The following FER variants were observed in gnomAD, a reference collection of about 807,000 sequenced individuals.
The protein encoded by FER is tyrosine-protein kinase Fer.
In FER, 63 loss-of-function variants were observed where a neutral mutation model predicts 111.0. That is an observed-to-expected ratio of 0.57 (90% confidence interval 0.46 to 0.70). The LOEUF is 0.70. Ranked by LOEUF, FER falls within the 30% of genes least tolerant of loss-of-function variation. The pLI is 0.00. For synonymous variants in FER, 327 were observed against 313.9 expected (o/e 1.04, Z -0.44); for missense variants, 914 against 954.0 (o/e 0.96, Z 0.55).
chr5:109,003,962 G>A (rs72790521), intron 13 of FER, among the ~76,000 whole-genome samples: 17,550 of 152,140 alleles, frequency 0.12, 1,090 homozygotes, highest in Middle Eastern at 0.16. Context: ...CCTGGGCGAC[G>A]GTGTAAGACC....
At chr5:108,937,081 T>C (rs1010461665) in intron 10 of FER, among the ~76,000 whole-genome samples, 5 of 152,026 alleles carry the variant, frequency 3.3e-5, no homozygotes, top group Non-Finnish European at 7.4e-5. Flanking sequence ...TTCAAGTAAA[T>C]ATATTCCCTT....
chr5:109,004,360 A>G (rs1358759216), intron 13 of FER, among the ~76,000 whole-genome samples: 1 of 152,200 alleles, frequency 6.6e-6, no homozygotes, highest in Non-Finnish European at 1.5e-5. Flanking sequence ...AAATATTCAT[A>G]TCCTTTTTCA....
At chr5:108,869,236 A>T (rs190149671) in intron 6 of FER, among the ~76,000 whole-genome samples, 170 of 152,240 alleles carry the variant, frequency 1.1e-3, no homozygotes, top group African/African-American at 3.8e-3. Context: ...TATCCTGTAG[A>T]GTTAGGAAGT....
intron 13 of FER, among the ~76,000 whole-genome samples, chr5:108,979,733 G>A (rs990563974): frequency 6.7e-6 from 1 of 148,614 alleles, no homozygotes; most frequent in Non-Finnish European, 1.5e-5. Context: ...AGGGCCATGA[G>A]GCATTGTCTC....
intron 17 of FER, among the ~76,000 whole-genome samples, chr5:109,114,276 T>TATTTCCC (rs1448063509): frequency 2.6e-4 from 39 of 152,292 alleles, no homozygotes; most frequent in African/African-American, 8.7e-4. Flanking sequence ...TATTTCCCAG[T>TATTTCCC]AGCTATCAAT....
At chr5:109,129,514 A>T (rs1444587185) in intron 17 of FER, among the ~76,000 whole-genome samples, 1 of 152,044 alleles carries the variant, frequency 6.6e-6, no homozygotes, top group Non-Finnish European at 1.5e-5. Context: ...ACTTCCATAT[A>T]ACAATCAACC....
chr5:108,800,179 A>G (rs1037724902), intron 3 of FER, among the ~76,000 whole-genome samples: 7 of 152,032 alleles, frequency 4.6e-5, no homozygotes, highest in South Asian at 2.1e-4. Context: ...ACTTTTCCTC[A>G]TATGCTAATT....
intron 2 of FER, among the ~76,000 whole-genome samples, chr5:108,783,021 A>G (rs1205401408): frequency 6.6e-6 from 1 of 152,240 alleles, no homozygotes; most frequent in Non-Finnish European, 1.5e-5. Flanking sequence ...GTAGCTCTAC[A>G]GCAGGCTGGA....
intron 15 of FER, among the ~76,000 whole-genome samples, chr5:109,045,941 T>G (rs1192692814): frequency 6.6e-6 from 1 of 152,240 alleles, no homozygotes; most frequent in African/African-American, 2.4e-5. Flanking sequence ...AGTTCTTTTA[T>G]AAACAACGGG....
At chr5:109,044,924 C>A in intron 15 of FER, 129 bp downstream of exon 15, 2 of 500,344 alleles carry the variant, frequency 4.0e-6, no homozygotes, top group Non-Finnish European at 7.0e-6. Context: ...GTATGGAATC[C>A]AAAAATTTGT....
chr5:109,066,453 T>G (rs1349765417), intron 16 of FER, among the ~76,000 whole-genome samples: 2 of 152,220 alleles, frequency 1.3e-5, no homozygotes, highest in African/African-American at 4.8e-5. Context: ...TCATTGAAAT[T>G]ATTTGCTTTT....
At chr5:108,985,912 C>A (rs1267430742) in intron 13 of FER, among the ~76,000 whole-genome samples, 4 of 152,116 alleles carry the variant, frequency 2.6e-5, no homozygotes, top group Non-Finnish European at 2.9e-5. Context: ...ATGCAAATAC[C>A]TTTTTCGTAC....
chr5:109,113,325 A>G (rs1749849464), intron 17 of FER, among the ~76,000 whole-genome samples: 1 of 152,174 alleles, frequency 6.6e-6, no homozygotes, highest in Non-Finnish European at 1.5e-5. Context: ...GCAGCGGGAA[A>G]AGATACAGAA....
At chr5:108,867,258 G>A (rs531791704) in intron 5 of FER, among the ~76,000 whole-genome samples, 6 of 152,226 alleles carry the variant, frequency 3.9e-5, no homozygotes, top group Non-Finnish European at 7.4e-5. Context: ...AGGGAAAAAA[G>A]GAAGGTGAGA....
At chr5:108,928,547 A>G (rs535041582) in intron 10 of FER, among the ~76,000 whole-genome samples, 358 of 152,272 alleles carry the variant, frequency 2.4e-3, no homozygotes, top group African/African-American at 8.2e-3. Context: ...ATATATTCAG[A>G]GAAAATAAGG....
At chr5:108,848,778 A>G (rs1326305750) in intron 5 of FER, among the ~76,000 whole-genome samples, 1 of 151,956 alleles carries the variant, frequency 6.6e-6, no homozygotes, top group Non-Finnish European at 1.5e-5. Context: ...TTATTTATTT[A>G]TCTATGTCTC....
chr5:108,883,045 C>T (rs1765829652), intron 8 of FER, among the ~76,000 whole-genome samples: 1 of 151,936 alleles, frequency 6.6e-6, no homozygotes, highest in Non-Finnish European at 1.5e-5. Flanking sequence ...AATAATACTA[C>T]TTACCATTTA....
chr5:109,037,973 C>G (rs887862467), intron 14 of FER, among the ~76,000 whole-genome samples: 8 of 151,728 alleles, frequency 5.3e-5, no homozygotes, highest in Admixed American at 2.0e-4. Flanking sequence ...GGACAAGACA[C>G]TTGTTTCAAT....
intron 18 of FER, 61 bp from the exon 19 acceptor site, chr5:109,186,139 G>A: frequency 5.0e-6 from 8 of 1,611,664 alleles, no homozygotes; most frequent in African/African-American, 1.3e-5. Flanking sequence ...TACATAACCA[G>A]GAAGGGTCAC....
Sources: gnomAD v4.1 joint callset for allele counts (sites outside exome capture counted in the v4.1 genomes callset) on GRCh38, gnomAD v4.1.1 for gene constraint, MANE v1.5 for transcripts, NCBI Gene and HGNC (gene_info 2026-07-23, HGNC 2026-07-21) for gene names.